Variants in JSRP1 observed in about 807,000 individuals in gnomAD.
JSRP1 encodes the protein 2310032K21Rik.
In JSRP1, 29 loss-of-function variants were observed where a neutral mutation model predicts 21.4. That is an observed-to-expected ratio of 1.36 (90% confidence interval 1.01 to 1.85). JSRP1 has a LOEUF of 1.85. Among genes scored for constraint, JSRP1 ranks in the 40% most tolerant of loss-of-function variants. The pLI is 0.00. For synonymous variants in JSRP1, 221 were observed against 206.1 expected (o/e 1.07, Z -0.62); for missense variants, 531 against 461.5 (o/e 1.15, Z -1.38).
intron 2 of JSRP1, 60 bp downstream of exon 2, chr19:2,255,146 C>T (rs958908707): frequency 2.1e-5 from 24 of 1,156,930 alleles, no homozygotes; most frequent in Admixed American, 2.2e-5. Flanking sequence ...TGAAGATGGG[C>T]CTCCTGGCTC....
In JSRP1 at chr19:2,252,977, G is replaced by C. The variant is rs1283561626; in HGVS notation, c.463C>G (p.Gln155Glu). The C allele has an allele frequency of 3.7e-6, 6 of 1,607,418 alleles. No individual in the cohort carries two copies. The highest frequency in any genetic ancestry group is 4.2e-6 in the Non-Finnish European group (5 of 1,177,572). ...ACCCAGGGCTCGGGCACACGTGCTT[G>C]GAGTGCTGCCTCCCCAGGGACGGCG... ...RDAVPGEAAL[Q>E]ARVPEPWVPP... Residue 155 changes from glutamine to glutamate, a missense_variant, in exon 6 of 7, where the codon CAA (glutamine) becomes GAA (glutamate). By Grantham distance (29) the Gln-to-Glu change is conservative (BLOSUM62 2). Coordinates refer to ENST00000300961, the MANE Select transcript of JSRP1 (RefSeq NM_144616.4).
intron 4 of JSRP1, 69 bp from the exon 5 acceptor site, chr19:2,253,862 G>T (rs2025107743): frequency 1.1e-5 from 14 of 1,331,472 alleles, no homozygotes; most frequent in Non-Finnish European, 1.3e-5. Flanking sequence ...GGGCGCAGGG[G>T]ACAAGAGACA....
chr19:2,254,244 C>G lies in JSRP1; in HGVS notation c.205G>C (p.Glu69Gln). 1 of 1,605,812 alleles carries G rather than the reference C, an allele frequency of 6.2e-7. No individual in the cohort carries two copies. The highest frequency in any genetic ancestry group is 8.5e-7 in the Non-Finnish European group (1 of 1,176,422). Residue 69 changes from glutamate to glutamine, a missense_variant, in exon 4 of 7, where the codon GAG becomes CAG. Physicochemically the swap from Glu to Gln is conservative, Grantham distance 29 (BLOSUM62 2). Transcript: ENST00000300961. ...CCTGGGGTCCCCCTGGCGGCAGGCTCTTTTTCCATCTTCTTGGGCCTGGTG... is the reference window on the plus strand; with the variant it reads ...CCTGGGGTCCCCCTGGCGGCAGGCTGTTTTTCCATCTTCTTGGGCCTGGTG... ...VDTRPKKMEK[E>Q]PAARGTPGTG...
At chr19:2,254,343 C>T in intron 3 of JSRP1, 42 bp from the exon 4 acceptor site, 1 of 1,598,574 alleles carries the variant, frequency 6.3e-7, no homozygotes. Flanking sequence ...CCTTCCAGTG[C>T]CAAACCCTTC....
Position 2,253,650 on chromosome 19 carries a change from G to C in JSRP1, c.406C>G (p.Leu136Val). 6.6e-7 allele frequency: 1 copy of C among 1,505,846 alleles called. No individual in the cohort carries two copies. Among genetic ancestry groups the C allele is most frequent in the Non-Finnish European group, 8.8e-7 (1 of 1,134,252 alleles). 93.3% of individuals were successfully genotyped at this position (1,505,846 alleles called of 1,614,324 possible). ...CACAGCTGGAAAGCCGAGCCCAGCA[G>C]CGCCACCAGCGAGGCGAGCACCAGG... Reference protein sequence around the residue: ...KCLVLASLVALLGSAFQLCRD... With the variant: ...KCLVLASLVAVLGSAFQLCRD... Residue 136 changes from leucine to valine, a missense_variant, in exon 5 of 7, where the codon CTG (leucine) becomes GTG (valine). Coordinates refer to ENST00000300961, the MANE Select transcript of JSRP1 (RefSeq NM_144616.4).
chr19:2,254,957 C>G (rs2025126408), intron 2 of JSRP1, among the ~76,000 whole-genome samples: 2 of 151,964 alleles, frequency 1.3e-5, no homozygotes, highest in South Asian at 4.2e-4. Flanking sequence ...CAGCTTTGCC[C>G]AAAGACACCC....
chr19:2,253,490 G>A (rs939376065), intron 5 of JSRP1, 130 bp downstream of exon 5: 3 of 901,466 alleles, frequency 3.3e-6, no homozygotes, highest in Non-Finnish European at 4.6e-6. Flanking sequence ...CCAACTTTGG[G>A]GGCGTGCAAG....
chr19:2,254,982 A>T (rs1229706126), intron 2 of JSRP1, among the ~76,000 whole-genome samples: 8 of 152,134 alleles, frequency 5.3e-5, no homozygotes, highest in Admixed American at 5.2e-4. Context: ...TTTCAGTGGC[A>T]ACGTGGGATT....
At position 2,253,743 on chromosome 19, in the gene JSRP1, G is replaced by T. The variant is rs2025103756; in HGVS notation, c.313C>A (p.Gln105Lys). ...AGGGCCGGGGGCGGCGGCGGCGGCT[G>T]CAGGGGCGGCGCGGTCTGCGCCTTC... is the stretch of plus-strand genomic sequence containing the variant. Reference protein sequence around the residue: ...RKKAQTAPPLQPPPPPPALSE... With the variant: ...RKKAQTAPPLKPPPPPPALSE... The change falls in exon 5 of 7, where the codon CAG (glutamine) becomes AAG (lysine). Residue 105 changes from glutamine to lysine, a missense_variant. Transcript: ENST00000300961. The T allele has an allele frequency of 6.7e-7, 1 of 1,483,070 alleles. No individual in the cohort carries two copies. Among genetic ancestry groups the T allele is most frequent in the Non-Finnish European group, 8.9e-7 (1 of 1,125,484 alleles). The allele number at this position is 1,483,070 out of a possible 1,614,324, so 91.9% of individuals were successfully genotyped here.
Position 2,255,275 on chromosome 19 carries a change from C to CGCCATCCAGCTCCTCCCAGGCT in JSRP1, c.18_39dup (p.Gly14SerfsTer49), listed in dbSNP as rs2025131191. 2 of 1,611,348 alleles carry CGCCATCCAGCTCCTCCCAGGCT rather than the reference C, an allele frequency of 1.2e-6. No individual in the cohort carries two copies. The highest frequency in any genetic ancestry group is 4.5e-5 in the East Asian group (2 of 44,796). On this transcript the variant is annotated frameshift_variant, in exon 2 of 7. Coordinates refer to ENST00000300961, the MANE Select transcript of JSRP1 (RefSeq NM_144616.4). LOFTEE classifies it high-confidence loss of function. The stretch of plus-strand genomic sequence containing the variant: ...TCCAGGGCCTGGCAGCTGCCCAGGC[C>CGCCATCCAGCTCCTCCCAGGCT]GCCATCCAGCTCCTCCCAGGCTCTG...
At chr19:2,253,530 C>T (rs1429096306) in intron 5 of JSRP1, 90 bp downstream of exon 5, 8 of 1,289,466 alleles carry the variant, frequency 6.2e-6, no homozygotes, top group East Asian at 6.2e-5. Flanking sequence ...GCTCCCAGAC[C>T]CCACCCTGGC....
Position 2,252,918 on chromosome 19 carries a change from C to T in JSRP1, c.522G>A (p.Ser174=). The T allele has an allele frequency of 6.2e-7, 1 of 1,609,238 alleles. No individual in the cohort carries two copies. Among genetic ancestry groups the T allele is most frequent in the Non-Finnish European group, 8.5e-7 (1 of 1,177,996 alleles). The stretch of plus-strand genomic sequence containing the variant: ...AGTGGAAGGAAGCTCTTACCAGGGG[C>T]GACGATGGCTCCCTCGGGGCTGAGC... ...PPSSAPREPS[S]PLPKFEAQAP... The change falls in exon 6 of 7, where the codon TCG becomes TCA. Residue 174 remains serine (S), a synonymous_variant. Transcript: ENST00000300961.
Position 2,252,787 on chromosome 19 carries a change from C to T in JSRP1, c.538G>A (p.Glu180Lys). 6.2e-7 allele frequency: 1 copy of T among 1,611,154 alleles called. No individual in the cohort carries two copies. Among genetic ancestry groups the T allele is most frequent in the South Asian group, 1.1e-5 (1 of 91,028 alleles). ...GGCGCTGATGGAGGCGCCTGGGCCT[C>T]GAACTTAGGCTGCAAGACAGAGTGG... ...REPSSPLPKF[E>K]AQAPPSAPPA... The change falls in exon 7 of 7, where the codon GAG becomes AAG. Residue 180 changes from glutamate (E) to lysine (K), a missense_variant. Glu to Lys is a moderately conservative substitution (Grantham distance 56). Coordinates refer to ENST00000300961, the MANE Select transcript of JSRP1 (RefSeq NM_144616.4).
rs775656881 is a variant in JSRP1 at position 2,252,916 on chromosome 19, G to C, written c.524C>G (p.Pro175Arg). ...TCAGTGGAAGGAAGCTCTTACCAGG[G>C]GCGACGATGGCTCCCTCGGGGCTGA... ...PSSAPREPSS[P>R]LPKFEAQAPP... The change falls in exon 6 of 7, where the codon CCC becomes CGC. Residue 175 changes from proline to arginine, a missense_variant. By Grantham distance (103) the Pro-to-Arg change is moderately radical. Transcript: ENST00000300961. The C allele has an allele frequency of 6.2e-7, 1 of 1,609,502 alleles. No homozygotes were observed. Among genetic ancestry groups the C allele is most frequent in the Non-Finnish European group, 8.5e-7 (1 of 1,178,180 alleles).
chr19:2,253,047 C>T (rs1176835049), intron 5 of JSRP1, 44 bp from the exon 6 acceptor site: 5 of 1,369,452 alleles, frequency 3.7e-6, no homozygotes, highest in Admixed American at 3.9e-5. Context: ...GGCCGAGGCA[C>T]GGTCCACACT....
Position 2,253,801 on chromosome 19 carries a change from G to T in JSRP1, c.263-8C>A, listed in dbSNP as rs1424003583. On this transcript the variant is annotated splice_region_variant and splice_polypyrimidine_tract_variant and intron_variant, in intron 4 of 6. Transcript: ENST00000300961. ...CGGGGACGCTCCGAGGGCCTGCGGG[G>T]GCAAGTGCGCGCTGCGCTGTGGTCA... 1.4e-6 allele frequency: 2 copies of T among 1,382,378 alleles called. No homozygotes were observed. Among genetic ancestry groups the T allele is most frequent in the African/African-American group, 1.5e-5 (1 of 65,114 alleles). 85.6% of individuals were successfully genotyped at this position (1,382,378 alleles called of 1,614,324 possible). A position where few individuals can be genotyped will look rare whatever the true frequency, so the allele number is the denominator to read the frequency against.
At position 2,252,773 on chromosome 19, in the gene JSRP1, A is replaced by G. The variant is rs749952206; in HGVS notation, c.552T>C (p.Pro184=). 3.1e-6 allele frequency: 5 copies of G among 1,611,744 alleles called. No homozygotes were observed. In the African/African-American group the frequency reaches 6.7e-5, roughly 22 times the overall value. ...CCCGGGGCGCAGGCGGCGCTGATGG[A>G]GGCGCCTGGGCCTCGAACTTAGGCT... is the stretch of plus-strand genomic sequence containing the variant. The part of the protein sequence containing the change: ...SPLPKFEAQA[P]PSAPPAPRAE... Residue 184 remains proline (P), a synonymous_variant, in exon 7 of 7, where the codon CCT becomes CCC. Transcript: ENST00000300961.
chr19:2,253,019 C>T lies in JSRP1; in HGVS notation c.437-16G>A. ...GGGACGGCGTCTGCAGCGACAGGGT[C>T]GGGACCCGAGTCAGCTGGGCCGAGG... On this transcript the variant is annotated splice_polypyrimidine_tract_variant and intron_variant, in intron 5 of 6. Transcript: ENST00000300961. The T allele has an allele frequency of 1.3e-6, 2 of 1,580,112 alleles. No individual in the cohort carries two copies. The highest frequency in any genetic ancestry group is 2.3e-5 in the East Asian group (1 of 43,588).
chr19:2,255,947 T>C (rs549275753), intron 1 of JSRP1, among the ~76,000 whole-genome samples: 3 of 152,152 alleles, frequency 2.0e-5, no homozygotes, highest in African/African-American at 7.2e-5. Flanking sequence ...CCGGTTGTGG[T>C]TGGGGGTCTT....
Sources: allele counts gnomAD v4.1 joint callset (sites outside exome capture counted in the v4.1 genomes callset), GRCh38; gene constraint gnomAD v4.1.1; transcripts MANE v1.5; gene names NCBI Gene and HGNC (gene_info 2026-07-23, HGNC 2026-07-21).